MDGA2: variants seen among roughly 807,000 people sequenced by gnomAD.
MDGA2 encodes the protein MAM domain-containing glycosylphosphatidylinositol anchor protein 2.
MDGA2 carries 40 observed loss-of-function variants against 117.8 expected under a neutral mutation model. The ratio of observed to expected loss-of-function variants is 0.34; its 90% confidence interval spans 0.26 to 0.44. The LOEUF is 0.44. Among genes scored for constraint, MDGA2 ranks in the 20% least tolerant of loss-of-function variants. The pLI is 1.00. For missense variants in MDGA2, 1,123 were observed against 1,250.6 expected, an observed-to-expected ratio of 0.90 and a Z score of 1.54; for synonymous variants, 452 against 439.0, an observed-to-expected ratio of 1.03 and a Z score of -0.37.
chr14:47,332,565 T>C (rs1385228504), intron 1 of MDGA2, among the ~76,000 whole-genome samples: 1 of 151,848 alleles, frequency 6.6e-6, no homozygotes, highest in African/African-American at 2.4e-5. Flanking sequence ...TAAAAAAAAT[T>C]CAAAACTAAA....
chr14:47,420,726 C>T (rs1370483057), intron 1 of MDGA2, among the ~76,000 whole-genome samples: 1 of 151,982 alleles, frequency 6.6e-6, no homozygotes, highest in Non-Finnish European at 1.5e-5. Flanking sequence ...AAGGCCCTTA[C>T]TGTTGTTAAA....
chr14:47,414,318 A>C (rs1566774806), intron 1 of MDGA2, among the ~76,000 whole-genome samples: 1 of 152,202 alleles, frequency 6.6e-6, no homozygotes, highest in Non-Finnish European at 1.5e-5. Flanking sequence ...CTAATAACTT[A>C]ATCTTTCTAC....
At chr14:46,991,224 G>A (rs1250176814) in intron 8 of MDGA2, among the ~76,000 whole-genome samples, 2 of 152,082 alleles carry the variant, frequency 1.3e-5, no homozygotes, top group African/African-American at 4.8e-5. Context: ...AATAATAAAA[G>A]TGAAGACATC....
At chr14:46,989,920 C>A (rs952725464) in intron 8 of MDGA2, among the ~76,000 whole-genome samples, 8 of 152,068 alleles carry the variant, frequency 5.3e-5, no homozygotes, top group African/African-American at 1.7e-4. Flanking sequence ...TCCCAGCATT[C>A]AATTTATCCA....
intron 1 of MDGA2, among the ~76,000 whole-genome samples, chr14:47,539,981 C>A (rs576094318): frequency 1.3e-5 from 2 of 152,300 alleles, no homozygotes; most frequent in East Asian, 3.9e-4. Flanking sequence ...GAACTCTTTT[C>A]CTTAAAAGAG....
intron 1 of MDGA2, among the ~76,000 whole-genome samples, chr14:47,663,844 A>G (rs1390331115): frequency 6.6e-6 from 1 of 152,120 alleles, no homozygotes; most frequent in East Asian, 1.9e-4. Flanking sequence ...TGGGTGGCTG[A>G]TTTTTATAAA....
intron 3 of MDGA2, among the ~76,000 whole-genome samples, chr14:47,172,790 C>G (rs1400141516): frequency 2.0e-5 from 3 of 152,170 alleles, no homozygotes; most frequent in Admixed American, 1.3e-4. Flanking sequence ...CGGAACAAAG[C>G]TGGATGGAGA....
rs2138300758 is a variant in MDGA2, at chr14:46,855,062, C to T, written c.2845G>A (p.Glu949Lys). The T allele has an allele frequency of 6.2e-7, 1 of 1,611,462 alleles. No individual in the cohort carries two copies. Among genetic ancestry groups the T allele is most frequent in the South Asian group, 1.1e-5 (1 of 90,772 alleles). The stretch of plus-strand genomic sequence containing the variant: ...ATTGGGTATATATTAACATGAGCCT[C>T]ATTCCATCTTTGTCCTTTATTCCCA... ...SSGNKGQRWNEAHVNIYPITS... is the reference protein window; with the variant it reads ...SSGNKGQRWNKAHVNIYPITS... The change falls in exon 15 of 17, where the codon GAG (glutamate) becomes AAG (lysine). Residue 949 changes from glutamate (E) to lysine (K), a missense_variant. This residue lies in a region of MDGA2 where 890 missense variants were observed against 1,050.3 expected (regional missense o/e 0.85). Transcript: ENST00000399232. This position sits in a 1 kb window ranked among gnomAD's most constrained non-coding sequence, Gnocchi z 4.1.
At chr14:47,260,360 AG>A in intron 2 of MDGA2, among the ~76,000 whole-genome samples, 1 of 152,184 alleles carries the variant, frequency 6.6e-6, no homozygotes, top group Non-Finnish European at 1.5e-5. Flanking sequence ...TGGGGAAAAA[AG>A]GTGACATAAG....
chr14:47,301,282 C>T, intron 2 of MDGA2, 129 bp downstream of exon 2: 1 of 866,098 alleles, frequency 1.2e-6, no homozygotes, highest in East Asian at 3.0e-5. Flanking sequence ...CACACACACA[C>T]ACCCACACCC....
At chr14:47,613,450 CTTCAT>C (rs777487371) in intron 1 of MDGA2, among the ~76,000 whole-genome samples, 57 of 147,976 alleles carry the variant, frequency 3.9e-4, no homozygotes, top group Non-Finnish European at 6.8e-4. Flanking sequence ...GGCAACTTTA[CTTCAT>C]TTATCTCTCT....
intron 8 of MDGA2, among the ~76,000 whole-genome samples, chr14:46,961,932 G>A (rs576080467): frequency 6.6e-5 from 10 of 152,082 alleles, no homozygotes; most frequent in African/African-American, 9.6e-5. Flanking sequence ...GTGAGCCACC[G>A]CACCGGGCCA....
intron 9 of MDGA2, among the ~76,000 whole-genome samples, chr14:46,950,460 A>C (rs1426092690): frequency 6.6e-6 from 1 of 152,036 alleles, no homozygotes; most frequent in Non-Finnish European, 1.5e-5. Context: ...ATATTACAGA[A>C]GGCTGTACAT....
intron 1 of MDGA2, among the ~76,000 whole-genome samples, chr14:47,362,262 T>C (rs1432343416): frequency 6.6e-6 from 1 of 152,104 alleles, no homozygotes; most frequent in Non-Finnish European, 1.5e-5. Context: ...AGAAGACTCC[T>C]CTCCACATAC....
intron 1 of MDGA2, among the ~76,000 whole-genome samples, chr14:47,501,046 T>C (rs563074762): frequency 5.3e-5 from 8 of 152,284 alleles, no homozygotes; most frequent in African/African-American, 1.9e-4. Flanking sequence ...AAACCACCGA[T>C]GAATTTTATC....
intron 7 of MDGA2, among the ~76,000 whole-genome samples, chr14:47,053,631 A>G (rs1019170177): frequency 2.8e-4 from 28 of 98,862 alleles, no homozygotes; most frequent in Middle Eastern, 5.1e-3. Context: ...ATATATATAT[A>G]TATATATATA....
chr14:46,927,499 A>G (rs1884377300), intron 9 of MDGA2, among the ~76,000 whole-genome samples: 2 of 152,186 alleles, frequency 1.3e-5, no homozygotes, highest in East Asian at 1.9e-4. Context: ...ATAAAACTCA[A>G]TGTCATTAAT....
rs528202480 is a variant in MDGA2 at position 46,968,524 on chromosome 14, G to C, written c.1820-10881C>G. ...GATCTTACATCTAGAAAAATATAAA[G>C]ACTTCATTTAAAAAATTCCTAGATT... On this transcript the variant is annotated intron_variant, in intron 8 of 16. Coordinates refer to ENST00000399232, the MANE Select transcript of MDGA2 (RefSeq NM_001113498.3). 4.6e-5 allele frequency among the ~76,000 whole-genome samples: 7 copies of C among 152,032 alleles called. No homozygotes were observed. In the South Asian group the frequency reaches 1.0e-3, roughly 23 times the overall value.
At chr14:46,911,952 C>T (rs1433655528) in intron 10 of MDGA2, among the ~76,000 whole-genome samples, 2 of 152,014 alleles carry the variant, frequency 1.3e-5, no homozygotes, top group Admixed American at 6.6e-5. Flanking sequence ...GGGCTCCATC[C>T]CATTGCAGGG....
Sources: allele counts gnomAD v4.1 joint callset (sites outside exome capture counted in the v4.1 genomes callset), GRCh38; gene constraint gnomAD v4.1.1; regional missense constraint gnomAD v4.1.1; non-coding constraint Gnocchi (gnomAD v3.1); transcripts MANE v1.5; gene names NCBI Gene and HGNC (gene_info 2026-07-23, HGNC 2026-07-21).